The following ROBO2 variants were observed in gnomAD, a reference collection of about 807,000 sequenced individuals.
ROBO2 encodes roundabout guidance receptor 2.
ROBO2 carries 53 observed loss-of-function variants against 160.8 expected under a neutral mutation model. The ratio of observed to expected loss-of-function variants is 0.33; its 90% confidence interval spans 0.26 to 0.41. The LOEUF (loss-of-function observed/expected upper bound fraction) is 0.41. Ranked by LOEUF, ROBO2 falls within the 10% of genes least tolerant of loss-of-function variation. ROBO2 has a pLI of 1.00. For synonymous variants in ROBO2, 664 were observed against 611.7 expected, an observed-to-expected ratio of 1.09 and a Z score of -1.26; for missense variants, 1,577 against 1,722.4, an observed-to-expected ratio of 0.92 and a Z score of 1.49.
chr3:76,017,300 C>T (rs947452448), intron 2 of ROBO2, among the ~76,000 whole-genome samples: 11 of 152,120 alleles, frequency 7.2e-5, no homozygotes, highest in African/African-American at 2.4e-4. Context: ...AGCCTACCGA[C>T]TTTGTGACAG....
At chr3:75,935,497 A>T (rs1009655934) in intron 1 of ROBO2, among the ~76,000 whole-genome samples, 1 of 152,152 alleles carries the variant, frequency 6.6e-6, no homozygotes, top group Admixed American at 6.6e-5. Flanking sequence ...AGAGCAACAG[A>T]GGGAGACTTT....
intron 2 of ROBO2, among the ~76,000 whole-genome samples, chr3:76,161,583 C>T (rs944180044): frequency 1.3e-5 from 2 of 152,100 alleles, no homozygotes; most frequent in Admixed American, 6.6e-5. Flanking sequence ...TTGTGGCACG[C>T]TTGCTCTCTG....
At chr3:76,895,363 A>C in intron 2 of ROBO2, among the ~76,000 whole-genome samples, 1 of 152,132 alleles carries the variant, frequency 6.6e-6, no homozygotes, top group Non-Finnish European at 1.5e-5. Flanking sequence ...AATAAATAAA[A>C]TTTGTGATAG....
At chr3:76,802,974 T>C (rs1361940526) in intron 2 of ROBO2, among the ~76,000 whole-genome samples, 1 of 152,168 alleles carries the variant, frequency 6.6e-6, no homozygotes, top group East Asian at 1.9e-4. Flanking sequence ...GTTTTCTTTA[T>C]TGTCTGTGGA....
At chr3:77,383,291 A>G (rs919729394) in intron 2 of ROBO2, among the ~76,000 whole-genome samples, 1 of 152,122 alleles carries the variant, frequency 6.6e-6, no homozygotes, top group Admixed American at 6.6e-5. Flanking sequence ...AAGTTTAGAC[A>G]CATACTGCAC....
chr3:77,368,725 A>G (rs2153474952), intron 2 of ROBO2, among the ~76,000 whole-genome samples: 1 of 152,268 alleles, frequency 6.6e-6, no homozygotes, highest in Admixed American at 6.5e-5. Flanking sequence ...CTTTTGTGAT[A>G]TTCTCAGTAC....
intron 2 of ROBO2, among the ~76,000 whole-genome samples, chr3:77,129,735 G>C (rs1040035650): frequency 1.3e-5 from 2 of 152,120 alleles, no homozygotes; most frequent in Non-Finnish European, 2.9e-5. Flanking sequence ...GCATCTCATC[G>C]ATTTGCTGAG....
At chr3:77,471,342 A>G (rs796746522) in intron 2 of ROBO2, among the ~76,000 whole-genome samples, 2 of 152,352 alleles carry the variant, frequency 1.3e-5, no homozygotes, top group African/African-American at 4.8e-5. Flanking sequence ...CAAAGATATA[A>G]GCTCTAAAAT....
chr3:76,536,859 T>C (rs1207271867), intron 2 of ROBO2, among the ~76,000 whole-genome samples: 1 of 152,072 alleles, frequency 6.6e-6, no homozygotes, highest in African/African-American at 2.4e-5. Flanking sequence ...GCTGACTGAT[T>C]TGGGAAAGGT....
intron 2 of ROBO2, among the ~76,000 whole-genome samples, chr3:77,307,154 G>T (rs1176843011): frequency 6.6e-6 from 1 of 152,162 alleles, no homozygotes; most frequent in Non-Finnish European, 1.5e-5. Flanking sequence ...AAGAAATCAA[G>T]TGCCTCCTAC....
At chr3:75,993,909 A>T (rs1267816108) in intron 2 of ROBO2, among the ~76,000 whole-genome samples, 3 of 152,214 alleles carry the variant, frequency 2.0e-5, no homozygotes, top group African/African-American at 7.2e-5. Context: ...CACCAAAGTT[A>T]CATTAGGAGC....
chr3:76,022,998 G>T (rs1181437277), intron 2 of ROBO2, among the ~76,000 whole-genome samples: 1 of 151,752 alleles, frequency 6.6e-6, no homozygotes, highest in Admixed American at 6.6e-5. Context: ...ATGTGCTAAA[G>T]CTTCTATATC....
At chr3:76,622,249 A>AAGGAAGGAAGGAAG (rs2089219234) in intron 2 of ROBO2, among the ~76,000 whole-genome samples, 1 of 52,676 alleles carries the variant, frequency 1.9e-5, no homozygotes, top group African/African-American at 8.1e-5. Context: ...AAAGAAAGAA[A>AAGGAAGGAAGGAAG]GAAAGAAAGA....
chr3:77,083,016 T>C (rs951429203), intron 1 of ROBO2, among the ~76,000 whole-genome samples: 1 of 152,158 alleles, frequency 6.6e-6, no homozygotes, highest in African/African-American at 2.4e-5. Flanking sequence ...GATTTCAATA[T>C]GGGCAGTTTA....
At chr3:76,220,991 T>G (rs1457726027) in intron 2 of ROBO2, among the ~76,000 whole-genome samples, 1 of 152,188 alleles carries the variant, frequency 6.6e-6, no homozygotes, top group African/African-American at 2.4e-5. Flanking sequence ...TGTTTTAGTT[T>G]TGCATTGAGC....
intron 2 of ROBO2, among the ~76,000 whole-genome samples, chr3:76,289,434 T>G (rs1708693754): frequency 6.6e-6 from 1 of 152,150 alleles, no homozygotes; most frequent in Non-Finnish European, 1.5e-5. Flanking sequence ...TCCCATTCTG[T>G]AGGTTGTTTT....
At chr3:77,346,935 T>G (rs35423302) in intron 2 of ROBO2, among the ~76,000 whole-genome samples, 18,024 of 152,158 alleles carry the variant, frequency 0.12, 1,092 homozygotes, top group South Asian at 0.16. Flanking sequence ...CCTGTATAAT[T>G]CAAGGAAATC....
At chr3:77,474,318 C>T (rs2153582604) in intron 2 of ROBO2, among the ~76,000 whole-genome samples, 1 of 152,142 alleles carries the variant, frequency 6.6e-6, no homozygotes, top group Admixed American at 6.5e-5. Context: ...CCTCAGGGTA[C>T]GCTAATAAAT....
In ROBO2 at chr3:76,647,831, A is replaced by G. The variant is rs556620365; in HGVS notation, c.110-450183A>G. ...ATCTAGGTAAAAGTTACGTTGAAATATTTTTTCTGTGGGCTGTAAAGTAAA... is the reference window on the plus strand; with the variant it reads ...ATCTAGGTAAAAGTTACGTTGAAATGTTTTTTCTGTGGGCTGTAAAGTAAA... On this transcript the variant is annotated intron_variant, in intron 2 of 26. Transcript: ENST00000487694. 1.6e-4 allele frequency among the ~76,000 whole-genome samples: 25 copies of G among 152,172 alleles called. 1 individual carries two copies. In the South Asian group the frequency reaches 5.2e-3, roughly 32 times the overall value.
Sources: gnomAD v4.1 joint callset for allele counts (sites outside exome capture counted in the v4.1 genomes callset) on GRCh38, gnomAD v4.1.1 for gene constraint, MANE v1.5 for transcripts, NCBI Gene and HGNC (gene_info 2026-07-23, HGNC 2026-07-21) for gene names.